Variants in NHSL2 observed in about 807,000 individuals in gnomAD.
NHSL2 encodes NHS like 2.
Under a neutral mutation model 53.4 loss-of-function variants are expected in NHSL2, and 27 were observed. That is an observed-to-expected ratio of 0.51 (90% CI 0.37 to 0.70). NHSL2 has a LOEUF of 0.70. Among genes scored for constraint, NHSL2 ranks in the 30% least tolerant of loss-of-function variants. The pLI, the probability that NHSL2 is intolerant of heterozygous loss-of-function variation, is 0.00. For synonymous variants in NHSL2, 408 were observed against 404.1 expected, an observed-to-expected ratio of 1.01 and a Z score of -0.12; for missense variants, 892 against 980.1, an observed-to-expected ratio of 0.91 and a Z score of 1.20.
chrX:72,058,199 A>T lies in NHSL2; in HGVS notation c.281-73880A>T, dbSNP rs146518800. On this transcript the variant is annotated intron_variant, in intron 1 of 7. Transcript: ENST00000633930. ...TGGTGGACATTTTTCTCAAAGATGA[A>T]CAAAATGAGCCTGTTGCTTCAAGGA... 7.7e-4 allele frequency among the ~76,000 whole-genome samples: 87 copies of T among 112,728 alleles called. No homozygotes were observed. The East Asian group carries it at 0.022, about 28-fold the overall frequency.
rs369059810 is a variant in NHSL2, at chrX:71,990,635, C to T, written c.280+79268C>T. Among the ~76,000 whole-genome samples, 3 of 111,598 alleles carry T rather than the reference C, an allele frequency of 2.7e-5. No individual in the cohort carries two copies. In the East Asian group the frequency reaches 8.4e-4, roughly 31 times the overall value. ...TGTTAGTGACCTCCAACCTCATCAC[C>T]TCAGGCCTACTACTTTCTGTGCCTC... On this transcript the variant is annotated intron_variant, in intron 1 of 7. Coordinates refer to ENST00000633930, the MANE Select transcript of NHSL2 (RefSeq NM_001013627.3).
rs181203924 is a variant in NHSL2 at position 72,152,325 on chromosome X, C to G, written c.*8751C>G. On this transcript the variant is annotated 3_prime_UTR_variant, in exon 8 of 8. Coordinates refer to ENST00000633930, the MANE Select transcript of NHSL2 (RefSeq NM_001013627.3). ...GGACTGTGAGGGCTAATTCACAAAT[C>G]ACACCATACATGCGTGTGTGCATGC... The G allele has an allele frequency of 3.8e-5, 4 of 104,340 alleles. No individual in the cohort carries two copies. The East Asian group carries it at 1.2e-3, about 32-fold the overall frequency. The allele number at this position is 104,340 out of a possible 1,213,427, so 8.6% of individuals were successfully genotyped here.
intron 1 of NHSL2, among the ~76,000 whole-genome samples, chrX:72,093,778 C>G (rs764467832): frequency 1.0e-5 from 1 of 98,814 alleles, no homozygotes; most frequent in African/African-American, 3.7e-5. Context: ...TTCTTTCTTT[C>G]TTTTCCTTTC....
intron 1 of NHSL2, among the ~76,000 whole-genome samples, chrX:72,037,745 C>G (rs1226427104): frequency 1.8e-5 from 2 of 112,118 alleles, no homozygotes; most frequent in Admixed American, 9.4e-5. Context: ...TTTCCTAGGC[C>G]TCTCACTGAG....
In NHSL2 at chrX:72,130,664, C is replaced by T. The variant is rs747232127; in HGVS notation, c.281-1415C>T. ...ATCAGCTCATCCAGGTCGGCCATTT[C>T]TGTTGACCATAAGAGCTCTTTGCGG... On this transcript the variant is annotated intron_variant, in intron 1 of 7. Coordinates refer to ENST00000633930, the MANE Select transcript of NHSL2 (RefSeq NM_001013627.3). The T allele has an allele frequency of 3.3e-6, 4 of 1,211,970 alleles. No individual in the cohort carries two copies. In the Admixed American group the frequency reaches 8.7e-5, roughly 26 times the overall value.
At chrX:72,099,970 T>G in intron 1 of NHSL2, among the ~76,000 whole-genome samples, 1 of 110,862 alleles carries the variant, frequency 9.0e-6, no homozygotes, top group Non-Finnish European at 1.9e-5. Flanking sequence ...GCAGAGAGAT[T>G]CAAAATGTCA....
intron 1 of NHSL2, among the ~76,000 whole-genome samples, chrX:72,107,141 A>G (rs967600850): frequency 9.0e-6 from 1 of 110,827 alleles, no homozygotes; most frequent in Non-Finnish European, 1.9e-5. Context: ...ATTTTTTAAA[A>G]GGCCGGGCGC....
intron 1 of NHSL2, among the ~76,000 whole-genome samples, chrX:71,925,634 C>T (rs1197186851): frequency 1.8e-5 from 2 of 111,495 alleles, no homozygotes; most frequent in Non-Finnish European, 3.8e-5. Context: ...GATGACACTC[C>T]TTTTCTAATT....
chrX:72,136,096 A>G (rs1161567183), intron 4 of NHSL2, among the ~76,000 whole-genome samples: 1 of 110,609 alleles, frequency 9.0e-6, no homozygotes, highest in African/African-American at 3.3e-5. Flanking sequence ...TTGCCCACAG[A>G]GCCACTTGCT....
At chrX:71,955,246 C>A (rs1481975986) in intron 1 of NHSL2, among the ~76,000 whole-genome samples, 1 of 112,016 alleles carries the variant, frequency 8.9e-6, no homozygotes, top group Admixed American at 9.5e-5. Context: ...GATGGTGTAG[C>A]CCACTTACCT....
chrX:72,117,380 T>C (rs2042147342), intron 1 of NHSL2, among the ~76,000 whole-genome samples: 1 of 105,377 alleles, frequency 9.5e-6, no homozygotes, highest in African/African-American at 3.5e-5. Flanking sequence ...GAGTATGATA[T>C]TGTGGTATGT....
At chrX:72,042,467 T>C (rs1404661754) in intron 1 of NHSL2, among the ~76,000 whole-genome samples, 1 of 111,540 alleles carries the variant, frequency 9.0e-6, no homozygotes, top group African/African-American at 3.3e-5. Flanking sequence ...CCTCACGCCC[T>C]ACCCTGCCTC....
chrX:71,914,238 G>T (rs1050468669), intron 1 of NHSL2, among the ~76,000 whole-genome samples: 2 of 112,289 alleles, frequency 1.8e-5, no homozygotes, highest in Non-Finnish European at 3.8e-5. Context: ...TCTGTGGCCT[G>T]TACACTGGGT....
At chrX:72,141,708 T>C (rs1447891793) in intron 6 of NHSL2, among the ~76,000 whole-genome samples, 1 of 112,629 alleles carries the variant, frequency 8.9e-6, no homozygotes. Context: ...ATGTTTCTCA[T>C]TCTTTTCTGA....
At position 72,134,608 on chromosome X, in the gene NHSL2, G is replaced by A. The variant is rs1191432123; in HGVS notation, c.664G>A (p.Ala222Thr). The change falls in exon 4 of 8, where the codon GCC becomes ACC. Residue 222 changes from alanine (A) to threonine (T), a missense_variant. By Grantham distance (58) the Ala-to-Thr change is moderately conservative. Transcript: ENST00000633930. ...SLSTTADKQT[A>T]WNSLFPLPIL... ...GTCTACCACAGCCGACAAGCAAACT[G>A]CCTGGAATAGCCTTTTCCCTCTGCC... is the stretch of plus-strand genomic sequence containing the variant. 13 of 1,165,078 alleles carry A rather than the reference G, an allele frequency of 1.1e-5. No homozygotes were observed. Among genetic ancestry groups the A allele is most frequent in the South Asian group, 1.9e-5 (1 of 52,660 alleles).
chrX:72,036,468 C>T (rs140650743), intron 1 of NHSL2, among the ~76,000 whole-genome samples: 3,074 of 111,868 alleles, frequency 0.027, 94 homozygotes, highest in African/African-American at 0.083. Flanking sequence ...TGAATTTCTT[C>T]GGGTTTATCT....
chrX:72,019,311 A>AACACTCACTGTGTCACAAG (rs1844934687), intron 1 of NHSL2, among the ~76,000 whole-genome samples: 2 of 112,244 alleles, frequency 1.8e-5, no homozygotes, highest in Non-Finnish European at 3.8e-5. Flanking sequence ...TCATTCAGAA[A>AACACTCACTGTGTCACAAG]ACACTCACTG....
chrX:71,922,568 T>C (rs1742347918), intron 1 of NHSL2, among the ~76,000 whole-genome samples: 1 of 112,049 alleles, frequency 8.9e-6, no homozygotes, highest in Non-Finnish European at 1.9e-5. Context: ...TCCCAGCTAC[T>C]TGGGAGCCTG....
intron 1 of NHSL2, chrX:72,044,626 C>T (rs996517253): frequency 3.5e-5 from 40 of 1,144,414 alleles, no homozygotes; most frequent in South Asian, 9.0e-5. Context: ...TAACTGTGTC[C>T]GATGCGTGCC....
Sources: allele counts gnomAD v4.1 joint callset (sites outside exome capture counted in the v4.1 genomes callset), GRCh38; gene constraint gnomAD v4.1.1; transcripts MANE v1.5; gene names NCBI Gene and HGNC (gene_info 2026-07-23, HGNC 2026-07-21).